TRAPPC6B: variants seen among roughly 807,000 people sequenced by gnomAD.
TRAPPC6B encodes TRAPP complex subunit 6B.
In TRAPPC6B, 27 loss-of-function variants were observed where a neutral mutation model predicts 24.7. The ratio of observed to expected loss-of-function variants is 1.09; its 90% CI spans 0.81 to 1.51. The LOEUF is 1.51. Ranked by LOEUF, TRAPPC6B falls within the 40% of genes most tolerant of loss-of-function variation. The pLI, the probability that TRAPPC6B is intolerant of heterozygous loss-of-function variation, is 0.00. For synonymous variants in TRAPPC6B, 80 were observed against 66.6 expected (o/e 1.20, Z -0.98); for missense variants, 212 against 190.8 (o/e 1.11, Z -0.66).
chr14:39,150,531 G>A (rs752241302), intron 5 of TRAPPC6B, 150 bp from the exon 6 acceptor site: 31 of 610,394 alleles, frequency 5.1e-5, no homozygotes, highest in Non-Finnish European at 7.6e-5. Flanking sequence ...ATTCAATAAA[G>A]TCAATTCTAT....
At chr14:39,152,372 A>G (rs1483528879) in intron 4 of TRAPPC6B, among the ~76,000 whole-genome samples, 1 of 152,202 alleles carries the variant, frequency 6.6e-6, no homozygotes, top group Non-Finnish European at 1.5e-5. Flanking sequence ...TATCTGGTTG[A>G]AAGTATCAAC....
At chr14:39,154,333 CCTA>C in intron 3 of TRAPPC6B, 39 bp from the exon 4 acceptor site, 1 of 1,119,138 alleles carries the variant, frequency 8.9e-7, no homozygotes. Flanking sequence ...AGTCAATGTA[CCTA>C]GCAGTCCTTA....
rs185624659 is a variant in TRAPPC6B, at chr14:39,155,590, G to A, written c.268-1296C>T. ...CTTGCTCTGTCGCCCAGGCTGGAGT[G>A]CAGTGGTGTGATCTAGGCTCACTGC... On this transcript the variant is annotated intron_variant, in intron 3 of 5. Transcript: ENST00000330149. Among the ~76,000 whole-genome samples, 8 of 151,876 alleles carry A rather than the reference G, an allele frequency of 5.3e-5. No homozygotes were observed. The East Asian group carries it at 5.8e-4, about 11-fold the overall frequency.
At chr14:39,166,569 G>A (rs369687857) in intron 1 of TRAPPC6B, among the ~76,000 whole-genome samples, 5 of 152,064 alleles carry the variant, frequency 3.3e-5, no homozygotes, top group African/African-American at 7.2e-5. Flanking sequence ...AGCCCTTCCC[G>A]AAACTAAATC....
rs1460245934 is a variant in TRAPPC6B at position 39,170,040 on chromosome 14, T to A, written c.56A>T (p.Tyr19Phe). Residue 19 changes from tyrosine to phenylalanine, a missense_variant, in exon 1 of 6, where the codon TAC becomes TTC. Coordinates refer to ENST00000330149, the MANE Select transcript of TRAPPC6B (RefSeq NM_001079537.2). ...CACCTCCCCCTGCTCCGCGGACTTG[T>A]ACACTCCAGACACCATCTCGTTATG... ...LLHNEMVSGV[Y>F]KSAEQGEVEN... 1 of 1,614,006 alleles carries A rather than the reference T, an allele frequency of 6.2e-7. No individual in the cohort carries two copies. The highest frequency in any genetic ancestry group is 1.3e-5 in the African/African-American group (1 of 74,918).
Position 39,158,495 on chromosome 14 carries a change from A to G in TRAPPC6B, c.150-93T>C, listed in dbSNP as rs577235588. The G allele has an allele frequency of 4.5e-5, 33 of 736,908 alleles. No homozygotes were observed. In the East Asian group the frequency reaches 8.4e-4, roughly 19 times the overall value. 45.6% of individuals were successfully genotyped at this position (736,908 alleles called of 1,614,324 possible). Reference sequence around the variant, plus strand: ...ACTAATTTCCAAATGCCAGAACAGCACTGAACATTTATTGGGTTTTTTAAT... The same window carrying G: ...ACTAATTTCCAAATGCCAGAACAGCGCTGAACATTTATTGGGTTTTTTAAT... On this transcript the variant is annotated intron_variant, in intron 2 of 5. Transcript: ENST00000330149.
At position 39,161,313 on chromosome 14, in the gene TRAPPC6B, T is replaced by C. The variant is rs534710763; in HGVS notation, c.82-1763A>G. 2.8e-4 allele frequency among the ~76,000 whole-genome samples: 43 copies of C among 152,312 alleles called. 1 individual carries two copies. In the East Asian group the frequency reaches 3.3e-3, roughly 12 times the overall value. On this transcript the variant is annotated intron_variant, in intron 1 of 5. Transcript: ENST00000330149. ...AAAGGAACCTATACACATTTATTTA[T>C]CAACTCTAGTTCCTTAATAGCTACC... is the stretch of plus-strand genomic sequence containing the variant.
intron 4 of TRAPPC6B, 107 bp from the exon 5 acceptor site, chr14:39,151,946 A>T: frequency 1.3e-6 from 1 of 756,682 alleles, no homozygotes; most frequent in Non-Finnish European, 2.1e-6. Flanking sequence ...ATTCCTGTTT[A>T]AAAAAAGGAT....
intron 1 of TRAPPC6B, among the ~76,000 whole-genome samples, chr14:39,164,079 C>CTG (rs2053084117): frequency 7.0e-6 from 1 of 143,546 alleles, no homozygotes; most frequent in African/African-American, 3.0e-5. Context: ...AAAGCCTTAT[C>CTG]ATTTCTCTCC....
chr14:39,161,281 T>C (rs1274144591), intron 1 of TRAPPC6B, among the ~76,000 whole-genome samples: 1 of 152,224 alleles, frequency 6.6e-6, no homozygotes, highest in Non-Finnish European at 1.5e-5. Context: ...TAACCAGTTA[T>C]ATTGCAAAAG....
intron 1 of TRAPPC6B, among the ~76,000 whole-genome samples, chr14:39,164,484 C>T (rs942973054): frequency 1.4e-5 from 2 of 144,028 alleles, no homozygotes; most frequent in Non-Finnish European, 3.0e-5. Context: ...AACAGTGAAA[C>T]TCTGTCTAAA....
rs2052885147 is a variant in TRAPPC6B, at chr14:39,148,853, G to C, written c.*1497C>G. On this transcript the variant is annotated 3_prime_UTR_variant, in exon 6 of 6. Coordinates refer to ENST00000330149, the MANE Select transcript of TRAPPC6B (RefSeq NM_001079537.2). ...CACAGAGTGTACTTACACAAACCTA[G>C]ATGGTATGATCTACTATACACCTAA... 5.0e-6 allele frequency: 2 copies of C among 397,646 alleles called. No individual in the cohort carries two copies. The highest frequency in any genetic ancestry group is 8.9e-6 in the Non-Finnish European group (2 of 225,750). 24.6% of individuals were successfully genotyped at this position (397,646 alleles called of 1,614,324 possible).
chr14:39,166,561 C>T (rs907758539), intron 1 of TRAPPC6B, among the ~76,000 whole-genome samples: 1 of 152,088 alleles, frequency 6.6e-6, no homozygotes, highest in African/African-American at 2.4e-5. Context: ...ATGATAATAG[C>T]CCTTCCCGAA....
chr14:39,150,300 A>G lies in TRAPPC6B; in HGVS notation c.*50T>C. On this transcript the variant is annotated 3_prime_UTR_variant, in exon 6 of 6. Transcript: ENST00000330149. ...TCATCACTACTTGAAATACTTTTAC[A>G]TGAATAATTTATCTCTTTACACTGT... 1 of 1,468,976 alleles carries G rather than the reference A, an allele frequency of 6.8e-7. No individual in the cohort carries two copies. The highest frequency in any genetic ancestry group is 1.4e-5 in the African/African-American group (1 of 70,932). The allele number at this position is 1,468,976 out of a possible 1,614,324, so 91.0% of individuals were successfully genotyped here.
rs1396646894 is a variant in TRAPPC6B at position 39,149,610 on chromosome 14, T to C, written c.*740A>G. The C allele has an allele frequency of 2.0e-5, 3 of 152,324 alleles. No individual in the cohort carries two copies. Among genetic ancestry groups the C allele is most frequent in the Admixed American group, 2.0e-4 (3 of 15,300 alleles). The allele number at this position is 152,324 out of a possible 1,614,324, so 9.4% of individuals were successfully genotyped here. ...AAGGGAATAAAGATGTTAGATCCTT[T>C]ACCAGGACTTCCATGCACGGGGAGA... On this transcript the variant is annotated 3_prime_UTR_variant, in exon 6 of 6. Coordinates refer to ENST00000330149, the MANE Select transcript of TRAPPC6B (RefSeq NM_001079537.2).
intron 4 of TRAPPC6B, among the ~76,000 whole-genome samples, chr14:39,153,694 CT>C (rs148801475): frequency 0.027 from 3,872 of 140,868 alleles, 183 homozygotes; most frequent in African/African-American, 0.1. Flanking sequence ...TATAGTGTTT[CT>C]TTTTTTTCTT....
chr14:39,166,333 G>A (rs1005433149), intron 1 of TRAPPC6B, among the ~76,000 whole-genome samples: 1 of 151,650 alleles, frequency 6.6e-6, no homozygotes, highest in Non-Finnish European at 1.5e-5. Context: ...GGAATAATCT[G>A]CTCTCTGTAG....
Position 39,150,174 on chromosome 14 carries a change from G to T in TRAPPC6B, c.*176C>A. ...TTTCATTTTGAATAGTTTTGGTTAA[G>T]TGTATGTCATGGCAGAATGTCCCTT... is the stretch of plus-strand genomic sequence containing the variant. On this transcript the variant is annotated 3_prime_UTR_variant, in exon 6 of 6. Transcript: ENST00000330149. 1 of 568,812 alleles carries T rather than the reference G, an allele frequency of 1.8e-6. No individual in the cohort carries two copies. The highest frequency in any genetic ancestry group is 3.0e-6 in the Non-Finnish European group (1 of 335,294). 35.2% of individuals were successfully genotyped at this position (568,812 alleles called of 1,614,324 possible). A position where few individuals can be genotyped will look rare whatever the true frequency, so the allele number is the denominator to read the frequency against.
intron 1 of TRAPPC6B, among the ~76,000 whole-genome samples, chr14:39,166,849 C>A (rs1014748372): frequency 1.3e-5 from 2 of 152,276 alleles, no homozygotes; most frequent in African/African-American, 4.8e-5. Flanking sequence ...ACCAGGAGCA[C>A]CCATTCCCCA....
Sources: gnomAD v4.1 joint callset for allele counts (sites outside exome capture counted in the v4.1 genomes callset) on GRCh38, gnomAD v4.1.1 for gene constraint, MANE v1.5 for transcripts, NCBI Gene and HGNC (gene_info 2026-07-23, HGNC 2026-07-21) for gene names.